Variants in KCNQ1 observed in about 807,000 individuals in gnomAD.
The protein encoded by KCNQ1 is potassium voltage-gated channel subfamily KQT member 1.
A neutral mutation model predicts 72.4 loss-of-function variants in KCNQ1; 49 were observed. The observed-to-expected ratio is 0.68, with a 90% CI of 0.54 to 0.86. The LOEUF (loss-of-function observed/expected upper bound fraction) is 0.86. Ranked by LOEUF, KCNQ1 falls within the 40% of genes least tolerant of loss-of-function variation. KCNQ1 has a pLI of 0.00. For missense variants in KCNQ1, 790 were observed against 945.1 expected, an observed-to-expected ratio of 0.84 and a Z score of 2.15; for synonymous variants, 450 against 412.6, an observed-to-expected ratio of 1.09 and a Z score of -1.10.
chr11:2,756,007 A>G (rs911849851), intron 11 of KCNQ1, among the ~76,000 whole-genome samples: 1 of 152,254 alleles, frequency 6.6e-6, no homozygotes, highest in Admixed American at 6.5e-5. Context: ...CTCCATTGGC[A>G]TAAACCACAG....
chr11:2,573,091 T>A (rs944739384), intron 6 of KCNQ1, 105 bp downstream of exon 6: 78 of 1,338,624 alleles, frequency 5.8e-5, no homozygotes, highest in Middle Eastern at 4.8e-4. Context: ...TGGCAGGGGC[T>A]TCTCACCTGC....
intron 11 of KCNQ1, among the ~76,000 whole-genome samples, chr11:2,729,161 C>G (rs975931815): frequency 6.6e-6 from 1 of 152,222 alleles, no homozygotes; most frequent in Non-Finnish European, 1.5e-5. Flanking sequence ...GACCTGTTGC[C>G]GAGAAGCTGC....
At chr11:2,630,883 C>T (rs987897805) in intron 10 of KCNQ1, 3 of 398,362 alleles carry the variant, frequency 7.5e-6, no homozygotes, top group African/African-American at 6.2e-5. Context: ...TTTTATCTTT[C>T]AGAACTTTGA....
chr11:2,534,769 C>T (rs1399397045), intron 2 of KCNQ1, among the ~76,000 whole-genome samples: 3 of 152,250 alleles, frequency 2.0e-5, no homozygotes, highest in South Asian at 4.1e-4. Flanking sequence ...GGCTTCAGAA[C>T]GCGGTCGTCT....
rs538168200 is a variant in KCNQ1 at position 2,532,722 on chromosome 11, C to T, written c.477+4704C>T. 2.8e-3 allele frequency among the ~76,000 whole-genome samples: 426 copies of T among 152,286 alleles called. 1 individual carries two copies. Among genetic ancestry groups the T allele is most frequent in the African/African-American group, 9.9e-3 (410 of 41,548 alleles). The stretch of plus-strand genomic sequence containing the variant: ...GGACCCCTCCCAGGGCTCACAGCTT[C>T]CAGCGGACAGCAGGCACAGGGCTGT... On this transcript the variant is annotated intron_variant, in intron 2 of 15. Transcript: ENST00000155840.
rs1846225547 is a variant in KCNQ1 at position 2,458,369 on chromosome 11, A to G, written c.386+12885A>G. Among the ~76,000 whole-genome samples, 1 of 152,242 alleles carries G rather than the reference A, an allele frequency of 6.6e-6. No individual in the cohort carries two copies. The highest frequency in any genetic ancestry group is 1.5e-5 in the Non-Finnish European group (1 of 68,044). ...CTCATGATGTTGAATCCTGGCAAGC[A>G]AACGGAGAGAATCTGACATGTGTCC... On this transcript the variant is annotated intron_variant, in intron 1 of 15. Coordinates refer to ENST00000155840, the MANE Select transcript of KCNQ1 (RefSeq NM_000218.3). The surrounding 1 kb of genome is among the most constrained non-coding windows in gnomAD (Gnocchi z 4.6).
intron 2 of KCNQ1, among the ~76,000 whole-genome samples, chr11:2,569,647 C>T (rs182759523): frequency 4.8e-4 from 73 of 152,358 alleles, no homozygotes; most frequent in African/African-American, 1.6e-3. Flanking sequence ...CAGCCCCACA[C>T]ACCTTCCCCA....
At chr11:2,780,371 G>A (rs1846801177) in intron 15 of KCNQ1, among the ~76,000 whole-genome samples, 1 of 152,218 alleles carries the variant, frequency 6.6e-6, no homozygotes, top group African/African-American at 2.4e-5. Flanking sequence ...CAATCCTGCT[G>A]ACTTCGGGAA....
chr11:2,555,590 G>T (rs565373653), intron 2 of KCNQ1, among the ~76,000 whole-genome samples: 9 of 152,360 alleles, frequency 5.9e-5, no homozygotes, highest in Non-Finnish European at 1.3e-4. Flanking sequence ...CTGTGTGTGC[G>T]GGGCCCTGGG....
chr11:2,470,838 G>T (rs1381585392), intron 1 of KCNQ1, among the ~76,000 whole-genome samples: 1 of 152,054 alleles, frequency 6.6e-6, no homozygotes, highest in Non-Finnish European at 1.5e-5. Context: ...CAAACGTTTT[G>T]ACTTTGATGA....
At chr11:2,530,604 G>C (rs944122867) in intron 2 of KCNQ1, among the ~76,000 whole-genome samples, 4 of 152,236 alleles carry the variant, frequency 2.6e-5, no homozygotes, top group Non-Finnish European at 4.4e-5. Flanking sequence ...TGAGCTGTGT[G>C]CTTAAGTGTG....
In KCNQ1 at chr11:2,720,666, G is replaced by A. The variant is rs905663616; in HGVS notation, c.1515-48178G>A. On this transcript the variant is annotated intron_variant, in intron 11 of 15. Coordinates refer to ENST00000155840, the MANE Select transcript of KCNQ1 (RefSeq NM_000218.3). The surrounding 1 kb of genome is among the most constrained non-coding windows in gnomAD (Gnocchi z 5.1). ...GGGGAGCCTCCTTGGCCACTGAAAC[G>A]GAAACAGCATTAGCCACCACCAGCC... Among the ~76,000 whole-genome samples, 19 of 152,256 alleles carry A rather than the reference G, an allele frequency of 1.2e-4. No homozygotes were observed. Among genetic ancestry groups the A allele is most frequent in the South Asian group, 6.2e-4 (3 of 4,818 alleles).
rs1377036110 is a variant in KCNQ1, at chr11:2,537,382, G to A, written c.477+9364G>A. Among the ~76,000 whole-genome samples, 1 of 152,122 alleles carries A rather than the reference G, an allele frequency of 6.6e-6. No homozygotes were observed. Among genetic ancestry groups the A allele is most frequent in the Admixed American group, 6.5e-5 (1 of 15,290 alleles). ...ATTTAGCAGGATAATTTTGGAAAGA[G>A]CAGTTGCTAGGGGCATTTAAACTTG... On this transcript the variant is annotated intron_variant, in intron 2 of 15. Transcript: ENST00000155840. The surrounding 1 kb of genome is among the most constrained non-coding windows in gnomAD (Gnocchi z 5.2).
In KCNQ1 at chr11:2,647,203, G is replaced by C; in HGVS notation, c.1394-14758G>C. ...CATGAAGAGATTTTGAATTTTATCA[G>C]ATGCTTTTTCTGCATCTATTGAGAT... On this transcript the variant is annotated intron_variant, in intron 10 of 15. Transcript: ENST00000155840. The surrounding 1 kb of genome is among the most constrained non-coding windows in gnomAD (Gnocchi z 4.0). 1 of 398,354 alleles carries C rather than the reference G, an allele frequency of 2.5e-6. No homozygotes were observed. Among genetic ancestry groups the C allele is most frequent in the Non-Finnish European group, 4.4e-6 (1 of 225,998 alleles). 24.7% of individuals were successfully genotyped at this position (398,354 alleles called of 1,614,324 possible). A position where few individuals can be genotyped will look rare whatever the true frequency, so the allele number is the denominator to read the frequency against.
rs758991336 is a variant in KCNQ1, at chr11:2,471,816, A to C, written c.386+26332A>C. Among the ~76,000 whole-genome samples the C allele has an allele frequency of 6.1e-5, 9 of 148,718 alleles. No individual in the cohort carries two copies. Among genetic ancestry groups the C allele is most frequent in the African/African-American group, 2.0e-4 (8 of 39,828 alleles). ...TGCATGTGTATATAGGTGTGTGTGC[A>C]CGTGTATGGGTGCGTGTGCACCTAT... On this transcript the variant is annotated intron_variant, in intron 1 of 15. Transcript: ENST00000155840. This position sits in a 1 kb window ranked among gnomAD's most constrained non-coding sequence, Gnocchi z 4.8.
At chr11:2,555,481 G>A (rs1848056718) in intron 2 of KCNQ1, among the ~76,000 whole-genome samples, 1 of 152,232 alleles carries the variant, frequency 6.6e-6, no homozygotes, top group Non-Finnish European at 1.5e-5. Flanking sequence ...GTGTAAAGCT[G>A]CCTGCCAGGC....
At position 2,651,700 on chromosome 11, in the gene KCNQ1, C is replaced by T. The variant is rs922816846; in HGVS notation, c.1394-10261C>T. On this transcript the variant is annotated intron_variant, in intron 10 of 15. Transcript: ENST00000155840. The surrounding 1 kb of genome is among the most constrained non-coding windows in gnomAD (Gnocchi z 6.1). Reference sequence around the variant, plus strand: ...TGGCCCTCTGTTTCCTGTAATAGGCCATTTCCTAAGTAAGCATCATCCTCA... The same window carrying T: ...TGGCCCTCTGTTTCCTGTAATAGGCTATTTCCTAAGTAAGCATCATCCTCA... 20 of 398,490 alleles carry T rather than the reference C, an allele frequency of 5.0e-5. No homozygotes were observed. The highest frequency in any genetic ancestry group is 3.7e-4 in the African/African-American group (18 of 48,612). The allele number at this position is 398,490 out of a possible 1,614,324, so 24.7% of individuals were successfully genotyped here.
chr11:2,631,117 A>G (rs2133816327), intron 10 of KCNQ1: 1 of 398,588 alleles, frequency 2.5e-6, no homozygotes, highest in Non-Finnish European at 4.4e-6. Flanking sequence ...GATGTCCATC[A>G]ATCTGGGAAG....
At chr11:2,834,359 A>G (rs899878539) in intron 15 of KCNQ1, among the ~76,000 whole-genome samples, 1 of 152,144 alleles carries the variant, frequency 6.6e-6, no homozygotes, top group African/African-American at 2.4e-5. Context: ...GAGGGTGGGC[A>G]GAGCAGGAGG....
Sources: gnomAD v4.1 joint callset for allele counts (sites outside exome capture counted in the v4.1 genomes callset) on GRCh38, gnomAD v4.1.1 for gene constraint, Gnocchi (gnomAD v3.1) non-coding constraint, MANE v1.5 for transcripts, NCBI Gene and HGNC (gene_info 2026-07-23, HGNC 2026-07-21) for gene names.